HDAC3: variants seen among roughly 807,000 people sequenced by gnomAD.
HDAC3 encodes histone deacetylase 3.
Under a neutral mutation model 62.3 loss-of-function variants are expected in HDAC3, and 21 were observed. The ratio of observed to expected loss-of-function variants is 0.34; its 90% CI spans 0.24 to 0.49. The LOEUF (loss-of-function observed/expected upper bound fraction) is 0.49. Among genes scored for constraint, HDAC3 ranks in the 20% least tolerant of loss-of-function variants. HDAC3 has a pLI of 0.99. For synonymous variants in HDAC3, 198 were observed against 206.5 expected (o/e 0.96, Z 0.35); for missense variants, 270 against 556.9 (o/e 0.48, Z 5.19).
chr5:141,624,372 C>A (rs866770358), intron 14 of HDAC3, among the ~76,000 whole-genome samples: 1 of 22,096 alleles, frequency 4.5e-5, no homozygotes, highest in Non-Finnish European at 7.8e-5. Context: ...CCGTCTCTAC[C>A]AAAAAAAAAA....
intron 3 of HDAC3, 39 bp downstream of exon 3, chr5:141,634,772 T>G: frequency 6.2e-7 from 1 of 1,607,344 alleles, no homozygotes; most frequent in Non-Finnish European, 8.5e-7. Flanking sequence ...GGGCTTGGCA[T>G]TAAACTGTTA....
At chr5:141,635,026 AC>A (rs2099905753) in intron 2 of HDAC3, 73 bp from the exon 3 acceptor site, 2 of 1,520,012 alleles carry the variant, frequency 1.3e-6, no homozygotes, top group Non-Finnish European at 1.8e-6. Context: ...CCCATACTGA[AC>A]CCAGTCCTGG....
At chr5:141,634,016 G>T (rs1360280245) in intron 3 of HDAC3, among the ~76,000 whole-genome samples, 1 of 152,090 alleles carries the variant, frequency 6.6e-6, no homozygotes, top group Non-Finnish European at 1.5e-5. Context: ...TTTTTTCATG[G>T]ATATAGAGTA....
chr5:141,622,225 G>A (rs1394574566), intron 14 of HDAC3, among the ~76,000 whole-genome samples: 1 of 152,154 alleles, frequency 6.6e-6, no homozygotes, highest in Non-Finnish European at 1.5e-5. Flanking sequence ...GAGTGACGTG[G>A]TATTATAAAC....
intron 3 of HDAC3, 126 bp from the exon 4 acceptor site, chr5:141,630,251 G>A (rs940619319): frequency 1.4e-5 from 12 of 855,470 alleles, no homozygotes; most frequent in African/African-American, 6.7e-5. Context: ...TCCTACACAC[G>A]TGGGCTATCT....
At chr5:141,623,701 C>T (rs1294740987) in intron 14 of HDAC3, among the ~76,000 whole-genome samples, 1 of 152,046 alleles carries the variant, frequency 6.6e-6, no homozygotes, top group Non-Finnish European at 1.5e-5. Context: ...AAGCCCAGGT[C>T]CAGAGGAGAG....
rs1432529086 is a variant in HDAC3 at position 141,629,615 on chromosome 5, G to A, written c.476+69C>T. On this transcript the variant is annotated intron_variant, in intron 6 of 14. Coordinates refer to ENST00000305264, the MANE Select transcript of HDAC3 (RefSeq NM_003883.4). This position sits in a 1 kb window ranked among gnomAD's most constrained non-coding sequence, Gnocchi z 5.3. ...CAGGGAGGAGGGAGGTCAAGGTCAG[G>A]GTTGAGACTGAGAGACCTCCTCAGC... The A allele has an allele frequency of 1.3e-6, 2 of 1,482,334 alleles. No homozygotes were observed. Among genetic ancestry groups the A allele is most frequent in the African/African-American group, 1.4e-5 (1 of 72,336 alleles). 91.8% of individuals were successfully genotyped at this position (1,482,334 alleles called of 1,614,324 possible). A position where few individuals can be genotyped will look rare whatever the true frequency, so the allele number is the denominator to read the frequency against.
Position 141,628,409 on chromosome 5 carries a change from G to T in HDAC3, c.691+150C>A. The T allele has an allele frequency of 4.0e-6, 3 of 751,602 alleles. No individual in the cohort carries two copies. The highest frequency in any genetic ancestry group is 6.9e-6 in the Non-Finnish European group (3 of 433,130). 46.6% of individuals were successfully genotyped at this position (751,602 alleles called of 1,614,324 possible). On this transcript the variant is annotated intron_variant, in intron 8 of 14. Coordinates refer to ENST00000305264, the MANE Select transcript of HDAC3 (RefSeq NM_003883.4). The surrounding 1 kb of genome is among the most constrained non-coding windows in gnomAD (Gnocchi z 4.7). ...AAAATGCACATACACATGATATGTTGCATACAATTTCCAGAGATTCATGGT... is the reference window on the plus strand; with the variant it reads ...AAAATGCACATACACATGATATGTTTCATACAATTTCCAGAGATTCATGGT...
intron 3 of HDAC3, among the ~76,000 whole-genome samples, chr5:141,634,488 G>A (rs775263060): frequency 4.0e-4 from 60 of 151,618 alleles, no homozygotes; most frequent in Non-Finnish European, 7.1e-4. Context: ...CTCTAGGAAG[G>A]CCCCACCGAC....
At chr5:141,634,384 C>T (rs1253486177) in intron 3 of HDAC3, among the ~76,000 whole-genome samples, 1 of 151,986 alleles carries the variant, frequency 6.6e-6, no homozygotes, top group African/African-American at 2.4e-5. Flanking sequence ...AGCACTTGTC[C>T]CTACTGCCTG....
rs1482279465 is a variant in HDAC3, at chr5:141,628,843, A to G, written c.611-204T>C. On this transcript the variant is annotated intron_variant, in intron 7 of 14. Coordinates refer to ENST00000305264, the MANE Select transcript of HDAC3 (RefSeq NM_003883.4). The surrounding 1 kb of genome is among the most constrained non-coding windows in gnomAD (Gnocchi z 4.7). ...ACTCTGAGCCAACTGTGTACTAGGC[A>G]GTAGGGATGCAGCAACGAATGGAAC... Among the ~76,000 whole-genome samples the G allele has an allele frequency of 6.6e-6, 1 of 152,222 alleles. No individual in the cohort carries two copies. The highest frequency in any genetic ancestry group is 1.5e-5 in the Non-Finnish European group (1 of 68,032).
At chr5:141,622,857 T>C (rs1323547034) in intron 14 of HDAC3, among the ~76,000 whole-genome samples, 1 of 151,940 alleles carries the variant, frequency 6.6e-6, no homozygotes, top group African/African-American at 2.4e-5. Context: ...CTCACACCTG[T>C]AGCCTGTAAT....
intron 2 of HDAC3, chr5:141,635,255 T>C (rs997873592): frequency 4.6e-5 from 12 of 261,180 alleles, no homozygotes; most frequent in Non-Finnish European, 7.9e-5. Flanking sequence ...CTCTCCATGC[T>C]CATCTCCTCC....
At chr5:141,624,868 T>C (rs2099904240) in intron 14 of HDAC3, 2 of 205,250 alleles carry the variant, frequency 9.7e-6, no homozygotes, top group Non-Finnish European at 1.9e-5. Context: ...TAAATGAGTG[T>C]ATATGTGTTT....
chr5:141,621,233 C>G lies in HDAC3; in HGVS notation c.*235G>C. On this transcript the variant is annotated 3_prime_UTR_variant, in exon 15 of 15. Coordinates refer to ENST00000305264, the MANE Select transcript of HDAC3 (RefSeq NM_003883.4). ...CTCCAGGGCCCACTGCCAATAATGT[C>G]CCAGATAGCTATCCTTGTCTGTATC... 2.0e-6 allele frequency: 1 copy of G among 501,256 alleles called. No individual in the cohort carries two copies. Among genetic ancestry groups the G allele is most frequent in the East Asian group, 3.7e-5 (1 of 26,870 alleles). 31.1% of individuals were successfully genotyped at this position (501,256 alleles called of 1,614,324 possible).
intron 3 of HDAC3, among the ~76,000 whole-genome samples, chr5:141,633,738 A>C (rs1312880546): frequency 6.6e-6 from 1 of 151,330 alleles, no homozygotes; most frequent in African/African-American, 2.4e-5. Flanking sequence ...AGGCATGAGA[A>C]TCGCTTGAAC....
chr5:141,628,273 T>G lies in HDAC3; in HGVS notation c.692-86A>C, dbSNP rs2099904725. The G allele has an allele frequency of 8.4e-7, 1 of 1,186,964 alleles. No individual in the cohort carries two copies. The highest frequency in any genetic ancestry group is 1.2e-6 in the Non-Finnish European group (1 of 802,098). The allele number at this position is 1,186,964 out of a possible 1,614,324, so 73.5% of individuals were successfully genotyped here. A position where few individuals can be genotyped will look rare whatever the true frequency, so the allele number is the denominator to read the frequency against. On this transcript the variant is annotated intron_variant, in intron 8 of 14. Coordinates refer to ENST00000305264, the MANE Select transcript of HDAC3 (RefSeq NM_003883.4). The surrounding 1 kb of genome is among the most constrained non-coding windows in gnomAD (Gnocchi z 4.7). ...AAGGAAAAAGGGGGTTGAGCGAGCA[T>G]GTAGCCCAGGAAAGGGGCCACCCAA...
chr5:141,634,498 C>T (rs1261698400), intron 3 of HDAC3, among the ~76,000 whole-genome samples: 1 of 152,144 alleles, frequency 6.6e-6, no homozygotes, highest in African/African-American at 2.4e-5. Flanking sequence ...GCCCCACCGA[C>T]CAGCCACTCC....
chr5:141,634,780 T>C, intron 3 of HDAC3, 31 bp downstream of exon 3: 1 of 1,610,750 alleles, frequency 6.2e-7, no homozygotes, highest in Non-Finnish European at 8.5e-7. Flanking sequence ...CATTAAACTG[T>C]TAGACATCAA....
Sources: gnomAD v4.1 joint callset for allele counts (sites outside exome capture counted in the v4.1 genomes callset) on GRCh38, gnomAD v4.1.1 for gene constraint, Gnocchi (gnomAD v3.1) non-coding constraint, MANE v1.5 for transcripts, NCBI Gene and HGNC (gene_info 2026-07-23, HGNC 2026-07-21) for gene names.